The following DNALI1 variants were observed in gnomAD, a reference collection of about 807,000 sequenced individuals.
The protein encoded by DNALI1 is dynein axonemal light intermediate chain 1, also known as axonemal dynein light intermediate polypeptide 1.
DNALI1 carries 31 observed loss-of-function variants against 33.9 expected under a neutral mutation model. The ratio of observed to expected loss-of-function variants is 0.91; its 90% CI spans 0.69 to 1.23. The LOEUF (loss-of-function observed/expected upper bound fraction) is 1.23. Among genes scored for constraint, DNALI1 ranks in the 50% most tolerant of loss-of-function variants. DNALI1 has a pLI of 0.00. For synonymous variants in DNALI1, 117 were observed against 129.2 expected (o/e 0.91, Z 0.64); for missense variants, 305 against 323.8 (o/e 0.94, Z 0.44).
chr1:37,559,626 C>A lies in DNALI1; in HGVS notation c.397+130C>A, dbSNP rs1250695786. ...CATGCTGGAATCCCCTCTTCTCCCCCTGCCTGACCCACCCAGCAACAGCTA... is the reference window on the plus strand; with the variant it reads ...CATGCTGGAATCCCCTCTTCTCCCCATGCCTGACCCACCCAGCAACAGCTA... On this transcript the variant is annotated intron_variant, in intron 3 of 5. Transcript: ENST00000652629. The surrounding 1 kb of genome is among the most constrained non-coding windows in gnomAD (Gnocchi z 5.3). 7 of 1,115,768 alleles carry A rather than the reference C, an allele frequency of 6.3e-6. No homozygotes were observed. Among genetic ancestry groups the A allele is most frequent in the Non-Finnish European group, 8.3e-6 (7 of 848,318 alleles). The allele number at this position is 1,115,768 out of a possible 1,614,324, so 69.1% of individuals were successfully genotyped here.
rs761314950 is a variant in DNALI1, at chr1:37,562,033, T to A, written c.577-48T>A. 8 of 1,611,900 alleles carry A rather than the reference T, an allele frequency of 5.0e-6. No homozygotes were observed. The highest frequency in any genetic ancestry group is 1.7e-5 in the Admixed American group (1 of 59,954). Reference sequence around the variant, plus strand: ...TCCCTTCCACCCAGGCTCACACCATTCCATTCACCTGGCGACATCCCAGGA... The same window carrying A: ...TCCCTTCCACCCAGGCTCACACCATACCATTCACCTGGCGACATCCCAGGA... On this transcript the variant is annotated intron_variant, in intron 4 of 5. Transcript: ENST00000652629. The surrounding 1 kb of genome is among the most constrained non-coding windows in gnomAD (Gnocchi z 5.8).
chr1:37,557,105 G>A (rs1244386949), intron 1 of DNALI1, 30 bp downstream of exon 1: 3 of 1,613,796 alleles, frequency 1.9e-6, no homozygotes, highest in African/African-American at 2.7e-5. Context: ...AGACAAAGGA[G>A]CCTCGAAACT....
At position 37,562,349 on chromosome 1, in the gene DNALI1, C is replaced by A; in HGVS notation, c.741+104C>A. 1 of 1,413,578 alleles carries A rather than the reference C, an allele frequency of 7.1e-7. No homozygotes were observed. The highest frequency in any genetic ancestry group is 9.5e-7 in the Non-Finnish European group (1 of 1,051,470). The allele number at this position is 1,413,578 out of a possible 1,614,324, so 87.6% of individuals were successfully genotyped here. A position where few individuals can be genotyped will look rare whatever the true frequency, so the allele number is the denominator to read the frequency against. On this transcript the variant is annotated intron_variant, in intron 5 of 5. Coordinates refer to ENST00000652629, the MANE Select transcript of DNALI1 (RefSeq NM_003462.5). The surrounding 1 kb of genome is among the most constrained non-coding windows in gnomAD (Gnocchi z 5.8). ...TCCATGGCTTTTAAATGTTTGTCCA[C>A]ATGCACTGCCAAAGGATAAAGGAAG... is the stretch of plus-strand genomic sequence containing the variant.
Position 37,561,474 on chromosome 1 carries a change from A to G in DNALI1, c.398-83A>G. 2 of 1,500,110 alleles carry G rather than the reference A, an allele frequency of 1.3e-6. No individual in the cohort carries two copies. Among genetic ancestry groups the G allele is most frequent in the Non-Finnish European group, 1.8e-6 (2 of 1,104,004 alleles). 92.9% of individuals were successfully genotyped at this position (1,500,110 alleles called of 1,614,324 possible). ...GCGAGAACACCCTAATGTCCTTCCC[A>G]AGAGGAAGGGTGTTTGCAGTAGACA... On this transcript the variant is annotated intron_variant, in intron 3 of 5. Coordinates refer to ENST00000652629, the MANE Select transcript of DNALI1 (RefSeq NM_003462.5). This position sits in a 1 kb window ranked among gnomAD's most constrained non-coding sequence, Gnocchi z 4.6.
rs1396991752 is a variant in DNALI1 at position 37,566,174 on chromosome 1, T to A, written c.*1113T>A. On this transcript the variant is annotated 3_prime_UTR_variant, in exon 6 of 6. Coordinates refer to ENST00000652629, the MANE Select transcript of DNALI1 (RefSeq NM_003462.5). ...GGCTCACAATGGAAGCACTGTCATT[T>A]CCCCAGAAAAGCTGTGTTCCCTATG... The A allele has an allele frequency of 6.6e-6, 1 of 152,248 alleles. No homozygotes were observed. The highest frequency in any genetic ancestry group is 1.5e-5 in the Non-Finnish European group (1 of 68,070). The allele number at this position is 152,248 out of a possible 1,614,324, so 9.4% of individuals were successfully genotyped here.
At chr1:37,558,472 C>T (rs1643399250) in intron 2 of DNALI1, among the ~76,000 whole-genome samples, 1 of 152,208 alleles carries the variant, frequency 6.6e-6, no homozygotes, top group Non-Finnish European at 1.5e-5. Context: ...CCATCTCAGA[C>T]TAAAATCAAA....
At position 37,561,536 on chromosome 1, in the gene DNALI1, A is replaced by T. The variant is rs1271717095; in HGVS notation, c.398-21A>T. On this transcript the variant is annotated intron_variant, in intron 3 of 5. Transcript: ENST00000652629. This position sits in a 1 kb window ranked among gnomAD's most constrained non-coding sequence, Gnocchi z 4.6. ...CCCTCCCCACGCCCTGTCTGATCTC[A>T]TGGTGTGTGTGCATTGGAAGATGAG... is the stretch of plus-strand genomic sequence containing the variant. 1 of 1,611,208 alleles carries T rather than the reference A, an allele frequency of 6.2e-7. No homozygotes were observed. The highest frequency in any genetic ancestry group is 1.7e-5 in the Admixed American group (1 of 59,862).
At position 37,565,040 on chromosome 1, in the gene DNALI1, C is replaced by T. The variant is rs149870120; in HGVS notation, c.756C>T (p.Gly252=). Reference sequence around the variant, plus strand: ...TTGTTTTTCAGGCCCAACTGGAAGGCATTATTGCACCAAAGAAGTGATAAT... The same window carrying T: ...TTGTTTTTCAGGCCCAACTGGAAGGTATTATTGCACCAAAGAAGTGATAAT... ...TNQQLKAQLE[G]IIAPKK Residue 252 remains glycine, a synonymous_variant, in exon 6 of 6, where the codon GGC becomes GGT. Transcript: ENST00000652629. The T allele has an allele frequency of 6.2e-7, 1 of 1,614,152 alleles. No individual in the cohort carries two copies. The highest frequency in any genetic ancestry group is 8.5e-7 in the Non-Finnish European group (1 of 1,180,018).
rs368792759 is a variant in DNALI1, at chr1:37,557,003, G to A, written c.9G>A (p.Pro3=). 6.2e-7 allele frequency: 1 copy of A among 1,614,098 alleles called. No homozygotes were observed. The highest frequency in any genetic ancestry group is 8.5e-7 in the Non-Finnish European group (1 of 1,180,042). Residue 3 remains proline, a synonymous_variant, in exon 1 of 6, where the codon CCG becomes CCA. Transcript: ENST00000652629. The part of the protein sequence containing the change: MI[P]PADSLLKYDT... Reference sequence around the variant, plus strand: ...CTACTCTCGCCTCCGCCATGATTCCGCCCGCAGACTCTTTGCTCAAGTACG... The same window carrying A: ...CTACTCTCGCCTCCGCCATGATTCCACCCGCAGACTCTTTGCTCAAGTACG...
At chr1:37,557,779 G>A (rs771227020) in intron 2 of DNALI1, 31 bp downstream of exon 2, 14 of 1,611,996 alleles carry the variant, frequency 8.7e-6, no homozygotes, top group Admixed American at 3.4e-5. Flanking sequence ...GCTGGGAGAA[G>A]GCCTAAGCTT....
chr1:37,563,475 T>C (rs1011143678), intron 5 of DNALI1, among the ~76,000 whole-genome samples: 1 of 152,224 alleles, frequency 6.6e-6, no homozygotes, highest in East Asian at 1.9e-4. Context: ...AAAGATTCTT[T>C]AGAAGTTGGC....
rs1228189489 is a variant in DNALI1 at position 37,557,697 on chromosome 1, C to T, written c.176C>T (p.Pro59Leu). 1 of 1,613,940 alleles carries T rather than the reference C, an allele frequency of 6.2e-7. No homozygotes were observed. The highest frequency in any genetic ancestry group is 1.3e-5 in the African/African-American group (1 of 74,918). ...AAGCTCCCCTCAACTCCCTGTGTCC[C>T]AGATCCTACAAAGCAGGCAGAAGAA... is the stretch of plus-strand genomic sequence containing the variant. ...KTKLPSTPCV[P>L]DPTKQAEEIL... Residue 59 changes from proline to leucine, a missense_variant, in exon 2 of 6, where the codon CCA becomes CTA. Pro to Leu is a moderately conservative substitution (Grantham distance 98, BLOSUM62 -3). Coordinates refer to ENST00000652629, the MANE Select transcript of DNALI1 (RefSeq NM_003462.5).
chr1:37,560,920 C>T (rs542894475), intron 3 of DNALI1: 6 of 152,380 alleles, frequency 3.9e-5, no homozygotes, highest in South Asian at 2.1e-4. Context: ...CCCACAGACA[C>T]GAGAGATTTA....
Position 37,559,625 on chromosome 1 carries a change from C to A in DNALI1, c.397+129C>A. 2 of 1,115,288 alleles carry A rather than the reference C, an allele frequency of 1.8e-6. No homozygotes were observed. Among genetic ancestry groups the A allele is most frequent in the Non-Finnish European group, 2.4e-6 (2 of 847,946 alleles). 69.1% of individuals were successfully genotyped at this position (1,115,288 alleles called of 1,614,324 possible). A position where few individuals can be genotyped will look rare whatever the true frequency, so the allele number is the denominator to read the frequency against. ...TCATGCTGGAATCCCCTCTTCTCCC[C>A]CTGCCTGACCCACCCAGCAACAGCT... On this transcript the variant is annotated intron_variant, in intron 3 of 5. Transcript: ENST00000652629. This position sits in a 1 kb window ranked among gnomAD's most constrained non-coding sequence, Gnocchi z 5.3.
chr1:37,563,177 T>C (rs1643460237), intron 5 of DNALI1, among the ~76,000 whole-genome samples: 1 of 152,198 alleles, frequency 6.6e-6, no homozygotes, highest in Non-Finnish European at 1.5e-5. Context: ...ATCTTGACAT[T>C]GCAGGCTTGT....
At position 37,559,430 on chromosome 1, in the gene DNALI1, C is replaced by T. The variant is rs775164647; in HGVS notation, c.331C>T (p.Gln111Ter). The change falls in exon 3 of 6, where the codon CAG (glutamine) becomes TAG (stop). Residue 111 changes from glutamine to a stop codon, truncating the protein, a stop_gained. Coordinates refer to ENST00000652629, the MANE Select transcript of DNALI1 (RefSeq NM_003462.5). LOFTEE classifies it high-confidence loss of function. The surrounding 1 kb of genome is among the most constrained non-coding windows in gnomAD (Gnocchi z 5.3). Reference protein sequence around the residue: ...HLQEQLDLKLQQRQARETGIC... With the variant: ...HLQEQLDLKL ...CCAGGAGCAGTTAGACTTAAAGCTG[C>T]AGCAGCGGCAGGCCAGGGAAACAGG... The T allele has an allele frequency of 1.9e-6, 3 of 1,613,424 alleles. No homozygotes were observed. Among genetic ancestry groups the T allele is most frequent in the Non-Finnish European group, 2.5e-6 (3 of 1,179,904 alleles).
rs776688516 is a variant in DNALI1, at chr1:37,565,086, A to C, written c.*25A>C. 1 of 1,613,620 alleles carries C rather than the reference A, an allele frequency of 6.2e-7. No homozygotes were observed. Among genetic ancestry groups the C allele is most frequent in the East Asian group, 2.2e-5 (1 of 44,884 alleles). On this transcript the variant is annotated 3_prime_UTR_variant, in exon 6 of 6. Transcript: ENST00000652629. ...ATAATTTCCACATGATTAATTTCCA[A>C]CAAGACACTTGGGAGTTATTTACTG...
rs1347584933 is a variant in DNALI1 at position 37,562,736 on chromosome 1, CG to C, written c.741+495del. Among the ~76,000 whole-genome samples the C allele has an allele frequency of 1.3e-5, 2 of 152,120 alleles. No homozygotes were observed. The highest frequency in any genetic ancestry group is 1.3e-4 in the Admixed American group (2 of 15,276). ...CAGAAACCTTCCCCAGAAATGTGGT[CG>C]GGGAACCCAGGCACAGGTGCTCTTC... On this transcript the variant is annotated intron_variant, in intron 5 of 5. Transcript: ENST00000652629. The surrounding 1 kb of genome is among the most constrained non-coding windows in gnomAD (Gnocchi z 5.8).
At position 37,559,215 on chromosome 1, in the gene DNALI1, G is replaced by A; in HGVS notation, c.228-112G>A. 5 of 1,177,892 alleles carry A rather than the reference G, an allele frequency of 4.2e-6. No homozygotes were observed. The highest frequency in any genetic ancestry group is 5.5e-5 in the East Asian group (2 of 36,636). The allele number at this position is 1,177,892 out of a possible 1,614,324, so 73.0% of individuals were successfully genotyped here. ...GATGGAGGATTCTGGTGGGTTGGTGGCAAAGCTGCCCCTCACCACTACTCA... is the reference window on the plus strand; with the variant it reads ...GATGGAGGATTCTGGTGGGTTGGTGACAAAGCTGCCCCTCACCACTACTCA... On this transcript the variant is annotated intron_variant, in intron 2 of 5. Coordinates refer to ENST00000652629, the MANE Select transcript of DNALI1 (RefSeq NM_003462.5). This position sits in a 1 kb window ranked among gnomAD's most constrained non-coding sequence, Gnocchi z 5.3.
Sources: allele counts gnomAD v4.1 joint callset (sites outside exome capture counted in the v4.1 genomes callset), GRCh38; gene constraint gnomAD v4.1.1; non-coding constraint Gnocchi (gnomAD v3.1); transcripts MANE v1.5; gene names NCBI Gene and HGNC (gene_info 2026-07-23, HGNC 2026-07-21).